The following SEMA3A variants were observed in gnomAD, a reference collection of about 807,000 sequenced individuals.
SEMA3A encodes semaphorin-3A.
SEMA3A carries 29 observed loss-of-function variants against 97.9 expected under a neutral mutation model. That is an observed-to-expected ratio of 0.30 (90% CI 0.22 to 0.40). The LOEUF is 0.40. SEMA3A is among the 10% of genes least tolerant of loss of function. SEMA3A has a pLI of 1.00. For synonymous variants in SEMA3A, 321 were observed against 323.7 expected, an observed-to-expected ratio of 0.99 and a Z score of 0.09; for missense variants, 763 against 951.3, an observed-to-expected ratio of 0.80 and a Z score of 2.60.
At chr7:83,970,117 C>A (rs1371537661) in intron 15 of SEMA3A, among the ~76,000 whole-genome samples, 1 of 152,128 alleles carries the variant, frequency 6.6e-6, no homozygotes, top group East Asian at 1.9e-4. Flanking sequence ...AGCAACAAAA[C>A]ATTAAAATTA....
At chr7:84,433,812 A>G (rs1220338718) in intron 1 of SEMA3A, among the ~76,000 whole-genome samples, 1 of 152,156 alleles carries the variant, frequency 6.6e-6, no homozygotes, top group Non-Finnish European at 1.5e-5. Flanking sequence ...TTTGATTTGC[A>G]TTTCTCTAAT....
rs539897595 is a variant in SEMA3A, at chr7:84,421,155, A to C, written c.-245-49255T>G. On this transcript the variant is annotated intron_variant, in intron 1 of 3. Coordinates refer to the SEMA3A transcript ENST00000424555. ...TGAAAGCAGCAAGAGAAAGAAACTC[A>C]TCATTTACAAAAAAATCATTAAGCT... 7.9e-5 allele frequency among the ~76,000 whole-genome samples: 12 copies of C among 152,172 alleles called. No homozygotes were observed. In the South Asian group the frequency reaches 2.5e-3, roughly 32 times the overall value.
intron 3 of SEMA3A, among the ~76,000 whole-genome samples, chr7:84,202,262 G>A (rs755043641): frequency 6.6e-6 from 1 of 152,118 alleles, no homozygotes; most frequent in East Asian, 1.9e-4. Flanking sequence ...GGGAGGAAAT[G>A]CATATGCTAA....
intron 1 of SEMA3A, among the ~76,000 whole-genome samples, chr7:84,475,591 A>G (rs570720896): frequency 6.6e-6 from 1 of 152,352 alleles, no homozygotes; most frequent in South Asian, 2.1e-4. Context: ...AAGAAAATTC[A>G]CATAACATGC....
chr7:84,091,167 G>GGAAGGAAAGAAAGAAAGAAA (rs1554324917), intron 4 of SEMA3A, among the ~76,000 whole-genome samples: 7 of 42,836 alleles, frequency 1.6e-4, no homozygotes, highest in Non-Finnish European at 2.4e-4. Flanking sequence ...AAGGAAGGAA[G>GGAAGGAAAGAAAGAAAGAAA]GAAAGAAAGA....
intron 2 of SEMA3A, among the ~76,000 whole-genome samples, chr7:84,342,096 C>T (rs1227908178): frequency 2.6e-5 from 4 of 151,938 alleles, no homozygotes; most frequent in Non-Finnish European, 5.9e-5. Flanking sequence ...AGTGCAATGG[C>T]ACGATCTTGG....
intron 5 of SEMA3A, among the ~76,000 whole-genome samples, chr7:84,049,767 G>T (rs1196011921): frequency 6.6e-6 from 1 of 150,868 alleles, no homozygotes; most frequent in Non-Finnish European, 1.5e-5. Flanking sequence ...ACAATGTGCA[G>T]GTTAGTTACA....
intron 3 of SEMA3A, among the ~76,000 whole-genome samples, chr7:84,226,046 G>A (rs905931936): frequency 1.3e-5 from 2 of 152,078 alleles, no homozygotes; most frequent in African/African-American, 4.8e-5. Flanking sequence ...TTGCATATAT[G>A]GTAGATTTTA....
intron 5 of SEMA3A, among the ~76,000 whole-genome samples, chr7:84,050,672 T>A (rs1237350670): frequency 6.6e-6 from 1 of 152,216 alleles, no homozygotes; most frequent in African/African-American, 2.4e-5. Context: ...CTGTTCACTC[T>A]GATGGTAGTT....
chr7:83,985,454 C>T lies in SEMA3A; in HGVS notation c.1476G>A (p.Met492Ile). ...ATAGTACCTGCTTAGTGGAAAGCTC[C>T]ATTGCTGAAATAGCAGTCGGTTCCT... is the stretch of plus-strand genomic sequence containing the variant. ...VFREPTAISA[M>I]ELSTKQQQLY... Residue 492 changes from methionine (M) to isoleucine (I), a missense_variant, in exon 13 of 17, where the codon ATG becomes ATA. Coordinates refer to ENST00000265362, the MANE Select transcript of SEMA3A (RefSeq NM_006080.3). 1.9e-6 allele frequency: 3 copies of T among 1,610,746 alleles called. No homozygotes were observed. Among genetic ancestry groups the T allele is most frequent in the Non-Finnish European group, 2.5e-6 (3 of 1,177,704 alleles).
At chr7:84,476,998 T>A (rs1490650719) in intron 1 of SEMA3A, among the ~76,000 whole-genome samples, 3 of 151,158 alleles carry the variant, frequency 2.0e-5, no homozygotes, top group Admixed American at 6.6e-5. Flanking sequence ...GAGACTTATC[T>A]TACTTCTAGT....
At chr7:84,089,825 G>GA (rs141066825) in intron 4 of SEMA3A, among the ~76,000 whole-genome samples, 62,562 of 151,540 alleles carry the variant, frequency 0.41, 14,751 homozygotes, top group Admixed American at 0.52. Context: ...AACTGAAAAG[G>GA]AGCCTTTTGT....
intron 4 of SEMA3A, among the ~76,000 whole-genome samples, chr7:84,083,034 C>A (rs1794211843): frequency 6.6e-6 from 1 of 151,680 alleles, no homozygotes; most frequent in Admixed American, 6.6e-5. Flanking sequence ...TAATATATAA[C>A]AACATTTTAA....
intron 5 of SEMA3A, among the ~76,000 whole-genome samples, chr7:84,054,343 G>T (rs899062358): frequency 6.6e-6 from 1 of 152,036 alleles, no homozygotes; most frequent in Non-Finnish European, 1.5e-5. Context: ...GTCACTTTCA[G>T]GTACACCAAT....
chr7:84,458,467 G>C lies in SEMA3A; in HGVS notation c.-246+33993C>G, dbSNP rs1174260752. 2.0e-5 allele frequency among the ~76,000 whole-genome samples: 3 copies of C among 151,902 alleles called. No individual in the cohort carries two copies. In the East Asian group the frequency reaches 5.8e-4, roughly 29 times the overall value. On this transcript the variant is annotated intron_variant, in intron 1 of 3. Coordinates refer to the SEMA3A transcript ENST00000424555. ...TAAATCATAAAAAAATAATTTGATA[G>C]GAGTTATATTTTATTTTTGAATTTT...
chr7:84,054,469 G>T (rs986995408), intron 5 of SEMA3A, among the ~76,000 whole-genome samples: 13 of 151,964 alleles, frequency 8.6e-5, no homozygotes, highest in African/African-American at 3.1e-4. Context: ...TTCCATCGCT[G>T]ATACCCTTTC....
intron 2 of SEMA3A, among the ~76,000 whole-genome samples, chr7:84,361,732 A>G (rs1802725995): frequency 6.6e-6 from 1 of 152,048 alleles, no homozygotes; most frequent in African/African-American, 2.4e-5. Context: ...TAAAAAGTCT[A>G]TTGCTAATTC....
At chr7:84,102,431 A>C (rs746922660) in intron 4 of SEMA3A, among the ~76,000 whole-genome samples, 2 of 152,128 alleles carry the variant, frequency 1.3e-5, no homozygotes, top group Non-Finnish European at 2.9e-5. Flanking sequence ...ATGAGACATT[A>C]ATCCAGTAAG....
intron 12 of SEMA3A, among the ~76,000 whole-genome samples, chr7:83,996,263 T>C (rs1231726689): frequency 6.6e-6 from 1 of 152,040 alleles, no homozygotes; most frequent in Non-Finnish European, 1.5e-5. Flanking sequence ...TTTTCATTTG[T>C]ATAACTAGTT....
Sources: gnomAD v4.1 joint callset for allele counts (sites outside exome capture counted in the v4.1 genomes callset) on GRCh38, gnomAD v4.1.1 for gene constraint, MANE v1.5 for transcripts, NCBI Gene and HGNC (gene_info 2026-07-23, HGNC 2026-07-21) for gene names.